The following KCNN2 variants were observed in gnomAD, a reference collection of about 807,000 sequenced individuals.
KCNN2 encodes small conductance calcium-activated potassium channel protein 2.
In KCNN2, 24 loss-of-function variants were observed where a neutral mutation model predicts 55.5. That is an observed-to-expected ratio of 0.43 (90% CI 0.31 to 0.61). The LOEUF (loss-of-function observed/expected upper bound fraction) is 0.61, where lower values mean the gene tolerates loss of function less well. KCNN2 is among the 20% of genes least tolerant of loss of function. The pLI is 0.08. For missense variants in KCNN2, 754 were observed against 853.6 expected (o/e 0.88, Z 1.45); for synonymous variants, 431 against 336.1 (o/e 1.28, Z -3.09).
chr5:114,194,018 C>A (rs1753500754), intron 1 of KCNN2, among the ~76,000 whole-genome samples: 2 of 152,028 alleles, frequency 1.3e-5, no homozygotes, highest in Non-Finnish European at 2.9e-5. Context: ...AACCTGAATC[C>A]ATTAGCAGTC....
Position 114,356,990 on chromosome 5 carries a change from G to A in KCNN2, c.-184-3955G>A, listed in dbSNP as rs184626068. ...GGCGGTGTCTCATCACAACCTCTGC[G>A]TTTGGCACCACCAAATATTGTAGTT... is the stretch of plus-strand genomic sequence containing the variant. On this transcript the variant is annotated intron_variant, in intron 2 of 10. Coordinates refer to the KCNN2 transcript ENST00000512097. Among the ~76,000 whole-genome samples, 343 of 152,098 alleles carry A rather than the reference G, an allele frequency of 2.3e-3. 3 individuals are homozygous for A. Among genetic ancestry groups the A allele is most frequent in the Middle Eastern group, 6.8e-3 (2 of 294 alleles).
chr5:114,315,188 G>A (rs1756475396), intron 2 of KCNN2, among the ~76,000 whole-genome samples: 1 of 152,128 alleles, frequency 6.6e-6, no homozygotes, highest in Non-Finnish European at 1.5e-5. Context: ...GGCCTTGTAT[G>A]TTGTGTTGTG....
At chr5:114,252,672 A>C (rs1754891703) in intron 2 of KCNN2, among the ~76,000 whole-genome samples, 3 of 146,376 alleles carry the variant, frequency 2.0e-5, no homozygotes, top group African/African-American at 5.0e-5. Flanking sequence ...CCCAACCCCC[A>C]CCCCCCAACC....
chr5:114,163,523 T>C (rs1310609027), intron 1 of KCNN2, among the ~76,000 whole-genome samples: 1 of 152,206 alleles, frequency 6.6e-6, no homozygotes, highest in Non-Finnish European at 1.5e-5. Context: ...ATCAAAAGCC[T>C]TTTCTGCATC....
chr5:114,282,283 C>CA, intron 2 of KCNN2, among the ~76,000 whole-genome samples: 1 of 151,922 alleles, frequency 6.6e-6, no homozygotes, highest in Non-Finnish European at 1.5e-5. Context: ...TGAATTATAG[C>CA]AAAAAACAAA....
At chr5:114,160,829 C>A (rs570278801) in intron 1 of KCNN2, among the ~76,000 whole-genome samples, 1 of 152,060 alleles carries the variant, frequency 6.6e-6, no homozygotes, top group African/African-American at 2.4e-5. Context: ...ATTGCAACCC[C>A]TGCCTTTTTT....
At chr5:114,059,489 G>T (rs1406734255) in intron 1 of KCNN2, among the ~76,000 whole-genome samples, 1 of 152,088 alleles carries the variant, frequency 6.6e-6, no homozygotes, top group African/African-American at 2.4e-5. Flanking sequence ...AATTCCTTTG[G>T]GGCAGAGAAA....
chr5:114,087,512 G>A (rs1005224375), intron 1 of KCNN2, among the ~76,000 whole-genome samples: 26 of 151,992 alleles, frequency 1.7e-4, no homozygotes, highest in East Asian at 3.9e-4. Context: ...CAGCTATATC[G>A]GCACCATTTA....
chr5:114,458,990 G>C (rs1414125089), intron 3 of KCNN2, among the ~76,000 whole-genome samples: 1 of 152,214 alleles, frequency 6.6e-6, no homozygotes, highest in African/African-American at 2.4e-5. Flanking sequence ...ACTCTCTTGG[G>C]GAAGAAGGCA....
At chr5:114,295,437 G>A (rs1315037535) in intron 2 of KCNN2, among the ~76,000 whole-genome samples, 1 of 152,088 alleles carries the variant, frequency 6.6e-6, no homozygotes, top group Non-Finnish European at 1.5e-5. Context: ...CTGCCACCTT[G>A]CAGTTTGATC....
chr5:114,362,441 C>T lies in KCNN2; in HGVS notation c.302C>T (p.Thr101Ile), dbSNP rs1434598371. 2 of 385,736 alleles carry T rather than the reference C, an allele frequency of 5.2e-6. No individual in the cohort carries two copies. Among genetic ancestry groups the T allele is most frequent in the Non-Finnish European group, 9.2e-6 (2 of 216,268 alleles). The allele number at this position is 385,736 out of a possible 1,614,324, so 23.9% of individuals were successfully genotyped here. ...TCCTCGCCCGGCGGCGCCTTCCGGACCCGCACCTCCTCGCCGCTGTCGGGC... is the reference window on the plus strand; with the variant it reads ...TCCTCGCCCGGCGGCGCCTTCCGGATCCGCACCTCCTCGCCGCTGTCGGGC... ...RTSSPGGAFRTRTSSPLSGSS... is the reference protein window; with the variant it reads ...RTSSPGGAFRIRTSSPLSGSS... The change falls in exon 1 of 8, where the codon ACC (threonine) becomes ATC (isoleucine). Residue 101 changes from threonine to isoleucine, a missense_variant. Thr to Ile is a moderately conservative substitution (Grantham distance 89). Transcript: ENST00000673685.
intron 3 of KCNN2, among the ~76,000 whole-genome samples, chr5:114,444,326 G>T (rs181488582): frequency 6.6e-6 from 1 of 151,986 alleles, no homozygotes; most frequent in Non-Finnish European, 1.5e-5. Flanking sequence ...AGGGGTTAGA[G>T]TATTAAGAAA....
At chr5:114,269,631 G>A (rs575061503) in intron 2 of KCNN2, among the ~76,000 whole-genome samples, 15 of 151,916 alleles carry the variant, frequency 9.9e-5, no homozygotes, top group Admixed American at 4.6e-4. Context: ...TTAATACCCC[G>A]TAATGTTCAT....
Position 114,496,305 on chromosome 5 carries a change from G to C in KCNN2, c.*123G>C, listed in dbSNP as rs1450366155. The C allele has an allele frequency of 9.2e-7, 1 of 1,082,210 alleles. No homozygotes were observed. Among genetic ancestry groups the C allele is most frequent in the Middle Eastern group, 2.3e-4 (1 of 4,318 alleles). The allele number at this position is 1,082,210 out of a possible 1,614,324, so 67.0% of individuals were successfully genotyped here. A position where few individuals can be genotyped will look rare whatever the true frequency, so the allele number is the denominator to read the frequency against. On this transcript the variant is annotated 3_prime_UTR_variant, in exon 8 of 8. Transcript: ENST00000673685. Reference sequence around the variant, plus strand: ...CCGGGTTCTGATGTCAGAATCCTGGGAACCTGAACACTAAGTTTTAGGCCA... The same window carrying C: ...CCGGGTTCTGATGTCAGAATCCTGGCAACCTGAACACTAAGTTTTAGGCCA...
intron 1 of KCNN2, among the ~76,000 whole-genome samples, chr5:114,078,387 T>G (rs1750728229): frequency 6.6e-6 from 1 of 152,198 alleles, no homozygotes; most frequent in East Asian, 1.9e-4. Flanking sequence ...TGATTTCCTG[T>G]TTACATCACT....
chr5:114,079,213 G>T (rs962676478), intron 1 of KCNN2, among the ~76,000 whole-genome samples: 1 of 152,114 alleles, frequency 6.6e-6, no homozygotes, highest in Non-Finnish European at 1.5e-5. Context: ...CAGAGAAAGA[G>T]ACTTTTAATG....
At chr5:114,457,182 C>T (rs1465853537) in intron 3 of KCNN2, among the ~76,000 whole-genome samples, 1 of 152,122 alleles carries the variant, frequency 6.6e-6, no homozygotes, top group Non-Finnish European at 1.5e-5. Context: ...GAAATTGCCA[C>T]AGCCATCTCA....
chr5:114,255,137 G>A (rs1348348654), intron 2 of KCNN2, among the ~76,000 whole-genome samples: 3 of 152,174 alleles, frequency 2.0e-5, no homozygotes, highest in African/African-American at 7.2e-5. Context: ...ATATGTATAA[G>A]TTACGGTGAA....
intron 1 of KCNN2, among the ~76,000 whole-genome samples, chr5:114,101,366 G>C (rs1004596795): frequency 6.6e-6 from 1 of 150,648 alleles, no homozygotes; most frequent in African/African-American, 2.4e-5. Context: ...ATCTCTAGGT[G>C]GCGCCATTTA....
Sources: gnomAD v4.1 joint callset for allele counts (sites outside exome capture counted in the v4.1 genomes callset) on GRCh38, gnomAD v4.1.1 for gene constraint, MANE v1.5 for transcripts, NCBI Gene and HGNC (gene_info 2026-07-23, HGNC 2026-07-21) for gene names.